EPS15: variants seen among roughly 807,000 people sequenced by gnomAD.
EPS15 encodes the protein epidermal growth factor receptor substrate 15.
In EPS15, 72 loss-of-function variants were observed where a neutral mutation model predicts 113.8. The observed-to-expected ratio is 0.63, with a 90% CI of 0.52 to 0.77. The LOEUF (loss-of-function observed/expected upper bound fraction) is 0.77, where lower values mean the gene tolerates loss of function less well. Among genes scored for constraint, EPS15 ranks in the 30% least tolerant of loss-of-function variants. The pLI is 0.00. For synonymous variants in EPS15, 344 were observed against 363.4 expected (o/e 0.95, Z 0.61); for missense variants, 1,048 against 1,045.8 (o/e 1.00, Z -0.03).
rs746010996 is a variant in EPS15, at chr1:51,399,117, T to C, written c.1967A>G (p.Asp656Gly). The C allele has an allele frequency of 3.1e-6, 5 of 1,614,068 alleles. No individual in the cohort carries two copies. The highest frequency in any genetic ancestry group is 1.1e-5 in the South Asian group (1 of 91,080). Residue 656 changes from aspartate (D) to glycine (G), a missense_variant, in exon 20 of 25, where the codon GAC becomes GGC. By Grantham distance (94) the Asp-to-Gly change is moderately conservative (BLOSUM62 -1). Coordinates refer to ENST00000371733, the MANE Select transcript of EPS15 (RefSeq NM_001981.3). ...ATCAGTAGATTGCCTGAAGAAACAGTCTGATGCAAATGGATCTGAACCTTT... is the reference window on the plus strand; with the variant it reads ...ATCAGTAGATTGCCTGAAGAAACAGCCTGATGCAAATGGATCTGAACCTTT... The part of the protein sequence containing the change: ...PFKGSDPFAS[D>G]CFFRQSTDPF...
rs535483736 is a variant in EPS15, at chr1:51,489,457, G to A, written c.34-8143C>T. ...CAGCCTTAGCCTCCCAAGTAGCTGG[G>A]ACTACAGGTGCACACCACCACGCCA... On this transcript the variant is annotated intron_variant, in intron 1 of 24. Coordinates refer to ENST00000371733, the MANE Select transcript of EPS15 (RefSeq NM_001981.3). 7.2e-5 allele frequency among the ~76,000 whole-genome samples: 11 copies of A among 151,862 alleles called. No individual in the cohort carries two copies. The South Asian group carries it at 2.3e-3, about 32-fold the overall frequency.
chr1:51,478,899 C>T (rs563971020), intron 2 of EPS15, among the ~76,000 whole-genome samples: 1 of 152,286 alleles, frequency 6.6e-6, no homozygotes, highest in African/African-American at 2.4e-5. Context: ...TTTTTTCCTT[C>T]ATTTCAACTT....
At chr1:51,455,764 T>C (rs1213028473) in intron 8 of EPS15, among the ~76,000 whole-genome samples, 1 of 152,088 alleles carries the variant, frequency 6.6e-6, no homozygotes, top group Non-Finnish European at 1.5e-5. Context: ...TGATACACAA[T>C]CACAGATATT....
At position 51,409,670 on chromosome 1, in the gene EPS15, C is replaced by G. The variant is rs755352816; in HGVS notation, c.1140G>C (p.Glu380Asp). 2 of 1,611,590 alleles carry G rather than the reference C, an allele frequency of 1.2e-6. No homozygotes were observed. The highest frequency in any genetic ancestry group is 1.7e-6 in the Non-Finnish European group (2 of 1,178,912). ...VQDLQDEVQR[E>D]NTNLQKLQAQ... ...CCTGTAGTTTTTGCAGATTAGTATT[C>G]TCCCTTTGAACTTCATCTTGAAGAT... The change falls in exon 14 of 25, where the codon GAG (glutamate) becomes GAC (aspartate). Residue 380 changes from glutamate (E) to aspartate (D), a missense_variant. Coordinates refer to ENST00000371733, the MANE Select transcript of EPS15 (RefSeq NM_001981.3).
intron 8 of EPS15, among the ~76,000 whole-genome samples, chr1:51,460,122 G>A (rs1412258443): frequency 6.6e-6 from 1 of 152,164 alleles, no homozygotes; most frequent in Non-Finnish European, 1.5e-5. Flanking sequence ...AAGACTTGGA[G>A]TGAGTAAAGA....
At chr1:51,369,273 T>C (rs148121514) in intron 21 of EPS15, among the ~76,000 whole-genome samples, 2 of 152,330 alleles carry the variant, frequency 1.3e-5, no homozygotes, top group African/African-American at 4.8e-5. Context: ...GACAAATAAC[T>C]TTCTCAGATA....
chr1:51,491,158 G>A (rs1485608356), intron 1 of EPS15, among the ~76,000 whole-genome samples: 1 of 152,042 alleles, frequency 6.6e-6, no homozygotes, highest in Non-Finnish European at 1.5e-5. Flanking sequence ...TTTTAGTTTT[G>A]CTCTTTAAAA....
intron 2 of EPS15, among the ~76,000 whole-genome samples, chr1:51,478,800 T>C (rs1256597715): frequency 6.6e-6 from 1 of 152,256 alleles, no homozygotes; most frequent in Non-Finnish European, 1.5e-5. Flanking sequence ...CTCTTCTGGC[T>C]GGTAGAGTTT....
chr1:51,390,044 C>G (rs190135834), intron 21 of EPS15, among the ~76,000 whole-genome samples: 10 of 152,258 alleles, frequency 6.6e-5, no homozygotes, highest in Non-Finnish European at 1.3e-4. Context: ...CTGGCAGCAT[C>G]AAATACCTGA....
At chr1:51,450,009 G>A (rs748429774) in intron 8 of EPS15, among the ~76,000 whole-genome samples, 3 of 151,790 alleles carry the variant, frequency 2.0e-5, no homozygotes, top group Non-Finnish European at 4.4e-5. Flanking sequence ...TGCCTGGCCC[G>A]TGGCTGGATG....
In EPS15 at chr1:51,399,101, T is replaced by C. The variant is rs757320371; in HGVS notation, c.1983A>G (p.Gln661=). The change falls in exon 20 of 25, where the codon CAA becomes CAG. Residue 661 remains glutamine, a synonymous_variant. Coordinates refer to ENST00000371733, the MANE Select transcript of EPS15 (RefSeq NM_001981.3). The part of the protein sequence containing the change: ...DPFASDCFFR[Q]STDPFATSST... The stretch of plus-strand genomic sequence containing the variant: ...TTGAAGTGGCAAAAGGATCAGTAGA[T>C]TGCCTGAAGAAACAGTCTGATGCAA... 7 of 1,613,916 alleles carry C rather than the reference T, an allele frequency of 4.3e-6. No individual in the cohort carries two copies. Among genetic ancestry groups the C allele is most frequent in the East Asian group, 4.5e-5 (2 of 44,898 alleles).
At chr1:51,459,348 T>C (rs1223582429) in intron 8 of EPS15, among the ~76,000 whole-genome samples, 2 of 151,810 alleles carry the variant, frequency 1.3e-5, no homozygotes, top group African/African-American at 2.4e-5. Context: ...AATACAAAAG[T>C]TAGCCAGATG....
At chr1:51,363,624 T>A (rs1646438960) in intron 23 of EPS15, among the ~76,000 whole-genome samples, 1 of 152,070 alleles carries the variant, frequency 6.6e-6, no homozygotes, top group African/African-American at 2.4e-5. Flanking sequence ...AATGATTAAG[T>A]TAAAAAAAAG....
intron 1 of EPS15, among the ~76,000 whole-genome samples, chr1:51,487,948 GA>G (rs909586700): frequency 9.6e-4 from 145 of 150,470 alleles, no homozygotes; most frequent in Middle Eastern, 3.4e-3. Context: ...TTTAGGCAGG[GA>G]AAAAAAAATC....
At chr1:51,362,020 C>T (rs568495682) in intron 23 of EPS15, among the ~76,000 whole-genome samples, 250 of 152,308 alleles carry the variant, frequency 1.6e-3, no homozygotes, top group African/African-American at 5.5e-3. Flanking sequence ...TAGTCACTCA[C>T]TAATTCATTA....
chr1:51,356,489 T>C lies in EPS15; in HGVS notation c.*211A>G. On this transcript the variant is annotated 3_prime_UTR_variant, in exon 25 of 25. Coordinates refer to ENST00000371733, the MANE Select transcript of EPS15 (RefSeq NM_001981.3). ...ACAGGGGCCTAAGTGAAGGTGAATT[T>C]GTCTGACTGGGTTACGGCTTTTATA... 1 of 468,454 alleles carries C rather than the reference T, an allele frequency of 2.1e-6. No homozygotes were observed. The highest frequency in any genetic ancestry group is 3.7e-6 in the Non-Finnish European group (1 of 267,552). The allele number at this position is 468,454 out of a possible 1,614,324, so 29.0% of individuals were successfully genotyped here. A position where few individuals can be genotyped will look rare whatever the true frequency, so the allele number is the denominator to read the frequency against.
Position 51,408,239 on chromosome 1 carries a change from G to A in EPS15, c.1369C>T (p.Leu457=). ...TCCAATTCTGCTGTTTCTTGCTGTA[G>A]ACGGCTCAGCTCTTCTCTAGCTTTT... is the stretch of plus-strand genomic sequence containing the variant. ...LAKAREELSR[L]QQETAELEES... is the part of the protein sequence containing the mutation. Residue 457 remains leucine, a synonymous_variant, in exon 15 of 25, where the codon CTA becomes TTA. Coordinates refer to ENST00000371733, the MANE Select transcript of EPS15 (RefSeq NM_001981.3). The A allele has an allele frequency of 1.2e-6, 2 of 1,614,024 alleles. No homozygotes were observed. The highest frequency in any genetic ancestry group is 1.7e-6 in the Non-Finnish European group (2 of 1,179,882).
At chr1:51,376,805 G>A (rs1043075841) in intron 21 of EPS15, among the ~76,000 whole-genome samples, 5 of 152,214 alleles carry the variant, frequency 3.3e-5, no homozygotes, top group African/African-American at 4.8e-5. Context: ...CAGCCAGGCA[G>A]TAATTCTTGC....
chr1:51,496,613 G>A (rs1351896967), intron 1 of EPS15, among the ~76,000 whole-genome samples: 2 of 152,024 alleles, frequency 1.3e-5, no homozygotes, highest in African/African-American at 4.8e-5. Context: ...AATTGCTTTC[G>A]GCAATTATGC....
Sources: gnomAD v4.1 joint callset for allele counts (sites outside exome capture counted in the v4.1 genomes callset) on GRCh38, gnomAD v4.1.1 for gene constraint, MANE v1.5 for transcripts, NCBI Gene and HGNC (gene_info 2026-07-23, HGNC 2026-07-21) for gene names.